PCDH15: variants seen among roughly 807,000 people sequenced by gnomAD.
The protein encoded by PCDH15 is protocadherin-15.
In PCDH15, 129 loss-of-function variants were observed where a neutral mutation model predicts 178.5. The observed-to-expected ratio is 0.72, with a 90% confidence interval of 0.63 to 0.84. The LOEUF (loss-of-function observed/expected upper bound fraction) is 0.84, where lower values mean the gene tolerates loss of function less well. Among genes scored for constraint, PCDH15 ranks in the 40% least tolerant of loss-of-function variants. The probability of loss-of-function intolerance (pLI) is 0.00; values close to 1 mark genes in which losing one functional copy is unlikely to be tolerated. For missense variants in PCDH15, 2,230 were observed against 2,099.9 expected (o/e 1.06, Z -1.21); for synonymous variants, 800 against 732.0 (o/e 1.09, Z -1.50).
chr10:54,700,902 A>T (rs1024620632), intron 1 of PCDH15, among the ~76,000 whole-genome samples: 1 of 152,046 alleles, frequency 6.6e-6, no homozygotes, highest in African/African-American at 2.4e-5. Flanking sequence ...TCCCCAAGAA[A>T]TGTAGCCGGA....
chr10:55,441,997 C>A (rs1839198958), intron 2 of PCDH15, among the ~76,000 whole-genome samples: 1 of 151,944 alleles, frequency 6.6e-6, no homozygotes, highest in Non-Finnish European at 1.5e-5. Context: ...GTGGAAGAGG[C>A]AAGGAATGGA....
At chr10:54,634,833 C>T (rs2093804730) in intron 2 of PCDH15, among the ~76,000 whole-genome samples, 1 of 151,936 alleles carries the variant, frequency 6.6e-6, no homozygotes, top group Non-Finnish European at 1.5e-5. Context: ...TTATTCTTAT[C>T]CATGCTCCTA....
chr10:54,693,766 C>A (rs2095171258), intron 1 of PCDH15, among the ~76,000 whole-genome samples: 1 of 152,060 alleles, frequency 6.6e-6, no homozygotes, highest in Non-Finnish European at 1.5e-5. Context: ...AGGGAGGTAT[C>A]AATCAAGTAC....
chr10:54,243,128 T>C (rs2055575622), intron 8 of PCDH15, among the ~76,000 whole-genome samples: 1 of 152,216 alleles, frequency 6.6e-6, no homozygotes, highest in African/African-American at 2.4e-5. Flanking sequence ...ACTAATTTTG[T>C]GTGTTCTTTA....
intron 2 of PCDH15, among the ~76,000 whole-genome samples, chr10:55,052,377 C>T (rs565540149): frequency 7.2e-4 from 109 of 151,354 alleles, no homozygotes; most frequent in African/African-American, 2.5e-3. Context: ...CGTGAGCCAC[C>T]GTACCCGGCC....
chr10:54,237,079 T>C (rs1170574741), intron 8 of PCDH15, 148 bp from the exon 9 acceptor site: 1 of 747,906 alleles, frequency 1.3e-6, no homozygotes, highest in African/African-American at 1.7e-5. Context: ...CTTTTACTAG[T>C]TAATTTTGAA....
chr10:54,525,650 G>C (rs754213100), intron 3 of PCDH15, among the ~76,000 whole-genome samples: 12 of 152,048 alleles, frequency 7.9e-5, no homozygotes, highest in African/African-American at 2.9e-4. Context: ...GTAGAAACAG[G>C]GTCTTGCCAT....
intron 29 of PCDH15, among the ~76,000 whole-genome samples, chr10:53,834,931 G>A (rs937015806): frequency 1.3e-5 from 2 of 152,278 alleles, no homozygotes; most frequent in Non-Finnish European, 2.9e-5. Context: ...AGGGACAACT[G>A]TCTATTTCCT....
chr10:55,331,404 G>A (rs1453001404), intron 2 of PCDH15, among the ~76,000 whole-genome samples: 25 of 151,778 alleles, frequency 1.6e-4, no homozygotes, highest in African/African-American at 4.8e-4. Context: ...TGTTCCAATG[G>A]TTACAATATT....
At chr10:54,478,218 G>T (rs941889007) in intron 3 of PCDH15, among the ~76,000 whole-genome samples, 12 of 152,006 alleles carry the variant, frequency 7.9e-5, no homozygotes, top group African/African-American at 2.4e-4. Context: ...GCTAGTTGGC[G>T]CATTTTGATG....
intron 3 of PCDH15, among the ~76,000 whole-genome samples, chr10:54,830,203 A>G (rs561731993): frequency 9.8e-5 from 15 of 152,314 alleles, no homozygotes; most frequent in African/African-American, 3.6e-4. Flanking sequence ...AGAACTAGAA[A>G]TACCATTTGA....
intron 9 of PCDH15, among the ~76,000 whole-genome samples, chr10:54,228,533 C>T (rs912319650): frequency 2.0e-5 from 3 of 152,158 alleles, no homozygotes; most frequent in Non-Finnish European, 2.9e-5. Flanking sequence ...AGCATCTACT[C>T]TCTGCAAATT....
chr10:53,840,252 T>A, intron 29 of PCDH15, 68 bp downstream of exon 29: 1 of 1,537,598 alleles, frequency 6.5e-7, no homozygotes, highest in Non-Finnish European at 9.0e-7. Flanking sequence ...ACTTATAGCC[T>A]CAAGTCAGAA....
chr10:55,091,890 T>C (rs1482639144), intron 2 of PCDH15, among the ~76,000 whole-genome samples: 1 of 151,888 alleles, frequency 6.6e-6, no homozygotes, highest in Non-Finnish European at 1.5e-5. Context: ...ATGTATAGTG[T>C]ACTATTTATC....
intron 1 of PCDH15, among the ~76,000 whole-genome samples, chr10:55,308,549 A>T (rs896903204): frequency 3.9e-5 from 6 of 152,214 alleles, no homozygotes; most frequent in African/African-American, 1.4e-4. Flanking sequence ...TCTAATACAG[A>T]GATCAGAGCA....
chr10:53,936,967 G>A (rs547945095), intron 25 of PCDH15, among the ~76,000 whole-genome samples: 1 of 152,032 alleles, frequency 6.6e-6, no homozygotes, highest in Non-Finnish European at 1.5e-5. Flanking sequence ...AAATATATGG[G>A]TTTTTATTTC....
At chr10:54,953,189 T>C (rs1055385371) in intron 2 of PCDH15, among the ~76,000 whole-genome samples, 1 of 149,244 alleles carries the variant, frequency 6.7e-6, no homozygotes, top group Non-Finnish European at 1.5e-5. Flanking sequence ...GAATTCCTCT[T>C]TCCTCTTTGT....
intron 3 of PCDH15, among the ~76,000 whole-genome samples, chr10:54,829,920 C>T (rs906545068): frequency 6.6e-6 from 1 of 152,014 alleles, no homozygotes; most frequent in East Asian, 1.9e-4. Flanking sequence ...AATATTATTC[C>T]GAATGTGGAG....
chr10:54,994,344 T>C (rs1018110840), intron 2 of PCDH15, among the ~76,000 whole-genome samples: 4 of 152,164 alleles, frequency 2.6e-5, no homozygotes, highest in Non-Finnish European at 5.9e-5. Flanking sequence ...TTGGGGCAGT[T>C]ACTTTCAGAT....
Sources: allele counts gnomAD v4.1 joint callset (sites outside exome capture counted in the v4.1 genomes callset), GRCh38; gene constraint gnomAD v4.1.1; transcripts MANE v1.5; gene names NCBI Gene and HGNC (gene_info 2026-07-23, HGNC 2026-07-21).